Variants in DGKB observed in about 807,000 individuals in gnomAD.
DGKB encodes the protein 90 kDa diacylglycerol kinase.
In DGKB, 67 loss-of-function variants were observed where a neutral mutation model predicts 114.3. That is an observed-to-expected ratio of 0.59 (90% CI 0.48 to 0.72). The LOEUF (loss-of-function observed/expected upper bound fraction) is 0.72. Ranked by LOEUF, DGKB falls within the 30% of genes least tolerant of loss-of-function variation. DGKB has a pLI of 0.00. For missense variants in DGKB, 907 were observed against 975.2 expected (o/e 0.93, Z 0.93); for synonymous variants, 398 against 323.1 (o/e 1.23, Z -2.49).
chr7:14,508,190 G>T (rs1484170730), intron 20 of DGKB, among the ~76,000 whole-genome samples: 1 of 152,096 alleles, frequency 6.6e-6, no homozygotes, highest in Non-Finnish European at 1.5e-5. Context: ...AAAATATTAA[G>T]ACACTATACA....
Position 14,339,719 on chromosome 7 carries a change from CA to C in DGKB, c.1927-1010del, listed in dbSNP as rs1464338821. ...TTATACATTCTAGAAATTATTATCC[CA>C]TTTTCAATTATAAGTGAATATGAAA... On this transcript the variant is annotated intron_variant, in intron 22 of 25. Coordinates refer to ENST00000402815, the MANE Select transcript of DGKB (RefSeq NM_001350709.2). Among the ~76,000 whole-genome samples the C allele has an allele frequency of 2.6e-5, 4 of 151,982 alleles. No individual in the cohort carries two copies. In the East Asian group the frequency reaches 7.7e-4, roughly 29 times the overall value.
chr7:14,671,792 A>C (rs903617726), intron 13 of DGKB, among the ~76,000 whole-genome samples: 5 of 152,144 alleles, frequency 3.3e-5, no homozygotes, highest in African/African-American at 1.2e-4. Flanking sequence ...AATATAAATA[A>C]TACAAAAATT....
intron 23 of DGKB, among the ~76,000 whole-genome samples, chr7:14,225,586 G>C (rs1790672710): frequency 6.6e-6 from 1 of 151,916 alleles, no homozygotes; most frequent in Non-Finnish European, 1.5e-5. Flanking sequence ...TTTATAGCTT[G>C]AATGTGGCTA....
chr7:14,370,486 A>G (rs1817455746), intron 21 of DGKB, among the ~76,000 whole-genome samples: 1 of 152,120 alleles, frequency 6.6e-6, no homozygotes, highest in Non-Finnish European at 1.5e-5. Context: ...CTTGATGGAG[A>G]TAACACTGAA....
In DGKB at chr7:14,319,993, C is replaced by T. The variant is rs544760480; in HGVS notation, c.2122+18522G>A. On this transcript the variant is annotated intron_variant, in intron 23 of 25. Coordinates refer to ENST00000402815, the MANE Select transcript of DGKB (RefSeq NM_001350709.2). ...CTGGGCAGGCTCCCAGAGCTCTGCT[C>T]ATTGGGAATTTCTCCTTTCCACTAC... Among the ~76,000 whole-genome samples the T allele has an allele frequency of 1.0e-3, 159 of 152,280 alleles. 4 individuals are homozygous for T. The highest frequency in any genetic ancestry group is 0.01 in the Admixed American group (159 of 15,290).
chr7:14,720,868 A>G (rs1164647922), intron 5 of DGKB, among the ~76,000 whole-genome samples: 1 of 150,908 alleles, frequency 6.6e-6, no homozygotes, highest in Non-Finnish European at 1.5e-5. Flanking sequence ...AAAAAAAAAG[A>G]CCGGAATAAT....
intron 1 of DGKB, among the ~76,000 whole-genome samples, chr7:14,845,124 A>G (rs866233642): frequency 1.6e-4 from 13 of 82,850 alleles, no homozygotes; most frequent in Admixed American, 3.0e-4. Flanking sequence ...AAAAAAAAAA[A>G]AAAAAAAAAA....
chr7:14,370,976 T>C (rs1295974723), intron 21 of DGKB, among the ~76,000 whole-genome samples: 5 of 152,132 alleles, frequency 3.3e-5, no homozygotes, highest in African/African-American at 1.2e-4. Context: ...TACATATATA[T>C]TGCTGCAAAT....
chr7:14,179,599 G>C (rs1479948088), intron 23 of DGKB, among the ~76,000 whole-genome samples: 2 of 152,160 alleles, frequency 1.3e-5, no homozygotes, highest in Non-Finnish European at 2.9e-5. Context: ...AGAGTTTAGA[G>C]ATGCTAATGA....
At chr7:14,267,173 C>A (rs2128424032) in intron 23 of DGKB, among the ~76,000 whole-genome samples, 1 of 152,248 alleles carries the variant, frequency 6.6e-6, no homozygotes, top group East Asian at 1.9e-4. Flanking sequence ...AAGAAAAAAA[C>A]AGAAGACAAA....
At chr7:14,401,088 A>T (rs1213988425) in intron 21 of DGKB, among the ~76,000 whole-genome samples, 1 of 151,894 alleles carries the variant, frequency 6.6e-6, no homozygotes, top group Non-Finnish European at 1.5e-5. Context: ...CAGTGACAAC[A>T]TCTCTAATAA....
At chr7:14,607,346 A>G (rs1804706195) in intron 17 of DGKB, 88 bp downstream of exon 17, 2 of 730,316 alleles carry the variant, frequency 2.7e-6, no homozygotes, top group Non-Finnish European at 4.8e-6. Context: ...CTGTGTTCAA[A>G]TAACATTATT....
intron 21 of DGKB, among the ~76,000 whole-genome samples, chr7:14,345,733 C>A (rs1276367082): frequency 2.6e-5 from 4 of 151,494 alleles, no homozygotes; most frequent in African/African-American, 9.7e-5. Flanking sequence ...AATTATGATA[C>A]AGCATAAAGT....
chr7:14,197,123 G>A (rs1026842191), intron 23 of DGKB, among the ~76,000 whole-genome samples: 2 of 152,044 alleles, frequency 1.3e-5, no homozygotes, highest in Admixed American at 1.3e-4. Context: ...GCTTTGTGGG[G>A]CGGGGGAAAC....
At chr7:14,930,684 G>T (rs1404185819) in intron 1 of DGKB, among the ~76,000 whole-genome samples, 1 of 152,104 alleles carries the variant, frequency 6.6e-6, no homozygotes, top group Non-Finnish European at 1.5e-5. Flanking sequence ...TTTCCAGTTT[G>T]TATGCCTTGT....
At chr7:14,219,517 T>C (rs777557368) in intron 23 of DGKB, among the ~76,000 whole-genome samples, 21 of 151,830 alleles carry the variant, frequency 1.4e-4, no homozygotes, top group Non-Finnish European at 2.7e-4. Flanking sequence ...TGACTAAGGA[T>C]GTTGAGCACC....
intron 1 of DGKB, among the ~76,000 whole-genome samples, chr7:14,951,231 A>T (rs1479645689): frequency 6.6e-6 from 1 of 151,962 alleles, no homozygotes; most frequent in Non-Finnish European, 1.5e-5. Flanking sequence ...CTCCACACAA[A>T]ATCCTTCACA....
intron 23 of DGKB, among the ~76,000 whole-genome samples, chr7:14,334,362 ATGTGTG>A (rs750329719): frequency 1.2e-4 from 17 of 144,830 alleles, no homozygotes; most frequent in East Asian, 2.0e-4. Flanking sequence ...GTATATACAT[ATGTGTG>A]TGTGTGTGTG....
intron 23 of DGKB, among the ~76,000 whole-genome samples, chr7:14,208,775 G>A (rs1293950914): frequency 4.6e-5 from 7 of 151,874 alleles, no homozygotes; most frequent in African/African-American, 1.7e-4. Flanking sequence ...TATCTAGCTT[G>A]ATTCTTTATT....
Sources: gnomAD v4.1 joint callset for allele counts (sites outside exome capture counted in the v4.1 genomes callset) on GRCh38, gnomAD v4.1.1 for gene constraint, MANE v1.5 for transcripts, NCBI Gene and HGNC (gene_info 2026-07-23, HGNC 2026-07-21) for gene names.